Variants in MAN2A1 observed in about 807,000 individuals in gnomAD.
MAN2A1 encodes the protein mannosidase alpha class 2A member 1.
MAN2A1 carries 76 observed loss-of-function variants against 142.6 expected under a neutral mutation model. That is an observed-to-expected ratio of 0.53 (90% CI 0.44 to 0.65). The LOEUF is 0.65. Ranked by LOEUF, MAN2A1 falls within the 30% of genes least tolerant of loss-of-function variation. The pLI is 0.00. For missense variants in MAN2A1, 1,311 were observed against 1,365.1 expected (o/e 0.96, Z 0.62); for synonymous variants, 559 against 473.2 (o/e 1.18, Z -2.35).
intron 20 of MAN2A1, among the ~76,000 whole-genome samples, chr5:109,860,982 C>T (rs576926364): frequency 1.3e-5 from 2 of 152,244 alleles, no homozygotes; most frequent in East Asian, 1.9e-4. Context: ...TATCTTTTCT[C>T]TCCTGGCTAG....
chr5:109,757,602 T>G (rs1165147731), intron 5 of MAN2A1, among the ~76,000 whole-genome samples: 3 of 152,200 alleles, frequency 2.0e-5, no homozygotes, highest in Non-Finnish European at 4.4e-5. Flanking sequence ...TCACATAAAT[T>G]CATAGATTTG....
At chr5:109,811,051 T>G (rs6898382) in intron 12 of MAN2A1, among the ~76,000 whole-genome samples, 94,729 of 151,040 alleles carry the variant, frequency 0.63, 30,183 homozygotes, top group East Asian at 0.93. Flanking sequence ...AAATTTTTAG[T>G]TTTTTGTTAC....
chr5:109,817,315 G>A lies in MAN2A1; in HGVS notation c.1986G>A (p.Ser662=), dbSNP rs769524824. ...VYNPLEQDRI[S]LVSVYVSSPT... ...ATCCTTTAGAACAAGACCGAATCTCGTTGGTCTCAGTCTATGTGAGTTCCC... is the reference window on the plus strand; with the variant it reads ...ATCCTTTAGAACAAGACCGAATCTCATTGGTCTCAGTCTATGTGAGTTCCC... The change falls in exon 13 of 22, where the codon TCG becomes TCA. Residue 662 remains serine (S), a synonymous_variant. Transcript: ENST00000261483. 1.6e-5 allele frequency: 26 copies of A among 1,613,976 alleles called. No homozygotes were observed. The highest frequency in any genetic ancestry group is 3.3e-4 in the Middle Eastern group (2 of 6,080).
At chr5:109,781,328 C>T in intron 8 of MAN2A1, 68 bp from the exon 9 acceptor site, 1 of 833,110 alleles carries the variant, frequency 1.2e-6, no homozygotes, top group South Asian at 2.1e-5. Context: ...TTAACTTTCC[C>T]TAACAGTGTA....
intron 1 of MAN2A1, among the ~76,000 whole-genome samples, chr5:109,703,691 A>G (rs1166356831): frequency 6.6e-6 from 1 of 152,242 alleles, no homozygotes; most frequent in African/African-American, 2.4e-5. Context: ...AACAGTTAAT[A>G]TGTTTAGTGC....
intron 15 of MAN2A1, among the ~76,000 whole-genome samples, chr5:109,821,705 A>T (rs1561529422): frequency 6.6e-6 from 1 of 151,830 alleles, no homozygotes; most frequent in African/African-American, 2.4e-5. Context: ...TATCTTTCAT[A>T]TTTCTTTTGT....
At chr5:109,700,107 G>GT (rs1582799541) in intron 1 of MAN2A1, among the ~76,000 whole-genome samples, 2 of 152,142 alleles carry the variant, frequency 1.3e-5, no homozygotes, top group East Asian at 3.9e-4. Context: ...TGTAGTTTTT[G>GT]TTTTTTCTGT....
intron 8 of MAN2A1, among the ~76,000 whole-genome samples, chr5:109,779,839 G>T (rs1753403705): frequency 6.6e-6 from 1 of 152,040 alleles, no homozygotes; most frequent in African/African-American, 2.4e-5. Flanking sequence ...ACACCAAATT[G>T]AATACAGTTG....
chr5:109,800,211 ACT>A (rs899139856), intron 12 of MAN2A1, among the ~76,000 whole-genome samples: 1 of 152,154 alleles, frequency 6.6e-6, no homozygotes, highest in African/African-American at 2.4e-5. Flanking sequence ...GTCTTTTAGA[ACT>A]CAGCTTAGAT....
At chr5:109,813,483 G>C (rs1482326909) in intron 12 of MAN2A1, among the ~76,000 whole-genome samples, 2 of 152,238 alleles carry the variant, frequency 1.3e-5, no homozygotes, top group African/African-American at 4.8e-5. Context: ...TTGAACCTCA[G>C]TTTCCTTATA....
chr5:109,823,167 A>G (rs2112730153), intron 15 of MAN2A1, among the ~76,000 whole-genome samples: 1 of 152,304 alleles, frequency 6.6e-6, no homozygotes, highest in South Asian at 2.1e-4. Context: ...AGTGGTTTCC[A>G]AGTAGTTTTT....
Position 109,866,943 on chromosome 5 carries a change from G to A in MAN2A1, c.3380G>A (p.Ser1127Asn). ...MHSPPGTQNI[S>N]EINLSPMEIS... Reference sequence around the variant, plus strand: ...TCACCTCCCGGCACTCAGAATATAAGTGAGATCAACTTGAGTCCAATGGAA... The same window carrying A: ...TCACCTCCCGGCACTCAGAATATAAATGAGATCAACTTGAGTCCAATGGAA... Residue 1127 changes from serine (S) to asparagine (N), a missense_variant, in exon 22 of 22, where the codon AGT (serine) becomes AAT (asparagine). Physicochemically the swap from Ser to Asn is conservative, Grantham distance 46. Transcript: ENST00000261483. The A allele has an allele frequency of 1.2e-6, 2 of 1,612,722 alleles. No individual in the cohort carries two copies. Among genetic ancestry groups the A allele is most frequent in the Non-Finnish European group, 1.7e-6 (2 of 1,179,282 alleles).
chr5:109,809,991 TA>T (rs1413050640), intron 12 of MAN2A1, among the ~76,000 whole-genome samples: 4 of 152,136 alleles, frequency 2.6e-5, no homozygotes, highest in Admixed American at 2.6e-4. Flanking sequence ...TTTATTCTGC[TA>T]TTGTTAAAGA....
intron 5 of MAN2A1, among the ~76,000 whole-genome samples, chr5:109,766,739 G>A (rs889343082): frequency 1.3e-5 from 2 of 152,126 alleles, no homozygotes; most frequent in Non-Finnish European, 2.9e-5. Flanking sequence ...TTTATAAGTT[G>A]TAAGTAGACA....
intron 16 of MAN2A1, among the ~76,000 whole-genome samples, chr5:109,833,668 G>C (rs1016055598): frequency 6.7e-6 from 1 of 149,590 alleles, no homozygotes; most frequent in African/African-American, 2.5e-5. Flanking sequence ...TGGAGAGAGA[G>C]GGAGAGGGAG....
intron 4 of MAN2A1, among the ~76,000 whole-genome samples, chr5:109,730,133 C>A (rs1207928393): frequency 6.6e-6 from 1 of 152,078 alleles, no homozygotes; most frequent in Non-Finnish European, 1.5e-5. Flanking sequence ...TTTCAATCTT[C>A]CATATAGAAA....
At chr5:109,713,444 T>A (rs535450162) in intron 1 of MAN2A1, 76 bp from the exon 2 acceptor site, 175 of 1,114,784 alleles carry the variant, frequency 1.6e-4, no homozygotes, top group East Asian at 5.6e-4. Flanking sequence ...CCACATAATT[T>A]AAAAAAAAAA....
rs765390650 is a variant in MAN2A1 at position 109,842,312 on chromosome 5, AT to A, written c.2567-9del. On this transcript the variant is annotated splice_polypyrimidine_tract_variant and intron_variant, in intron 16 of 21. Coordinates refer to ENST00000261483, the MANE Select transcript of MAN2A1 (RefSeq NM_002372.4). ...AATTTCTTTCTATTAATCCATATAT[AT>A]TTTTTTAAATTTAGGAATAGAAGGA... The A allele has an allele frequency of 1.0e-5, 15 of 1,476,620 alleles. No homozygotes were observed. In the East Asian group the frequency reaches 1.5e-4, roughly 15 times the overall value. The allele number at this position is 1,476,620 out of a possible 1,614,324, so 91.5% of individuals were successfully genotyped here.
chr5:109,784,693 A>G (rs1201315037), intron 9 of MAN2A1, 51 bp from the exon 10 acceptor site: 1 of 1,394,650 alleles, frequency 7.2e-7, no homozygotes, highest in Non-Finnish European at 9.6e-7. Flanking sequence ...GTTTTAGATT[A>G]TAAGCTAAAG....
Sources: allele counts gnomAD v4.1 joint callset (sites outside exome capture counted in the v4.1 genomes callset), GRCh38; gene constraint gnomAD v4.1.1; transcripts MANE v1.5; gene names NCBI Gene and HGNC (gene_info 2026-07-23, HGNC 2026-07-21).